Variants in ITGA7 observed in about 807,000 individuals in gnomAD.
ITGA7 encodes the protein integrin alpha-7.
ITGA7 carries 84 observed loss-of-function variants against 131.6 expected under a neutral mutation model. That is an observed-to-expected ratio of 0.64 (90% CI 0.54 to 0.77). The LOEUF (loss-of-function observed/expected upper bound fraction) is 0.77, where lower values mean the gene tolerates loss of function less well. Among genes scored for constraint, ITGA7 ranks in the 30% least tolerant of loss-of-function variants. ITGA7 has a pLI of 0.00. For missense variants in ITGA7, 1,399 were observed against 1,482.9 expected (o/e 0.94, Z 0.93); for synonymous variants, 548 against 600.7 (o/e 0.91, Z 1.28).
At position 55,688,265 on chromosome 12, in the gene ITGA7, G is replaced by T. The variant is rs1302615670; in HGVS notation, c.2994C>A (p.Val998=). ...YSAVKSLEVI[V]RANITVKSSI... Reference sequence around the variant, plus strand: ...AGGACTTCACTGTGATGTTGGCCCGGACAATCACTTCCAGGGACTTCACAG... The same window carrying T: ...AGGACTTCACTGTGATGTTGGCCCGTACAATCACTTCCAGGGACTTCACAG... Residue 998 remains valine (V), a synonymous_variant, in exon 23 of 25, where the codon GTC becomes GTA. Transcript: ENST00000257879. 1 of 1,613,930 alleles carries T rather than the reference G, an allele frequency of 6.2e-7. No homozygotes were observed. The highest frequency in any genetic ancestry group is 8.5e-7 in the Non-Finnish European group (1 of 1,179,960).
intron 19 of ITGA7, 99 bp from the exon 20 acceptor site, chr12:55,693,416 T>A: frequency 9.1e-7 from 1 of 1,095,752 alleles, no homozygotes; most frequent in Non-Finnish European, 1.3e-6. Flanking sequence ...CCCAGGCTTG[T>A]CTCTAACTCC....
chr12:55,688,264 G>A lies in ITGA7; in HGVS notation c.2995C>T (p.Arg999Trp), dbSNP rs772232092. ...GAGGACTTCACTGTGATGTTGGCCC[G>A]GACAATCACTTCCAGGGACTTCACA... ...SAVKSLEVIV[R>W]ANITVKSSIK... The change falls in exon 23 of 25, where the codon CGG (arginine) becomes TGG (tryptophan). Residue 999 changes from arginine (R) to tryptophan (W), a missense_variant. By Grantham distance (101) the Arg-to-Trp change is moderately radical. Transcript: ENST00000257879. The A allele has an allele frequency of 1.7e-5, 28 of 1,613,910 alleles. No individual in the cohort carries two copies. The highest frequency in any genetic ancestry group is 6.7e-5 in the East Asian group (3 of 44,894).
At chr12:55,715,360 C>T (rs963236375), upstream of ITGA7, among the ~76,000 whole-genome samples, 1 of 152,000 alleles carries the variant, frequency 6.6e-6, no homozygotes, top group Admixed American at 6.6e-5. Flanking sequence ...GAGATTGTAC[C>T]AGTAGCAAGA....
upstream of ITGA7, among the ~76,000 whole-genome samples, chr12:55,713,373 G>A (rs906933293): frequency 6.6e-6 from 1 of 152,200 alleles, no homozygotes; most frequent in Non-Finnish European, 1.5e-5. Flanking sequence ...ATTAGAGACA[G>A]AGAGATTCCC....
Position 55,703,187 on chromosome 12 carries a change from TG to T in ITGA7, c.207-10del, listed in dbSNP as rs1565639533. ...GAGCACCCACCAGCAGCCTGCAAGA[TG>T]GGGCAGGGGCAGGGACAGGGACAGG... On this transcript the variant is annotated splice_polypyrimidine_tract_variant and intron_variant, in intron 1 of 24. Transcript: ENST00000257879. 6.2e-7 allele frequency: 1 copy of T among 1,607,998 alleles called. No homozygotes were observed. Among genetic ancestry groups the T allele is most frequent in the South Asian group, 1.1e-5 (1 of 91,000 alleles).
At chr12:55,716,183 C>T, upstream of ITGA7, 1 of 1,610,704 alleles carries the variant, frequency 6.2e-7, no homozygotes, top group Non-Finnish European at 8.5e-7. Flanking sequence ...AGAATGAACG[C>T]AAGGAGCTGC....
Position 55,694,156 on chromosome 12 carries a change from G to T in ITGA7, c.2433-33C>A. On this transcript the variant is annotated intron_variant, in intron 18 of 24. Coordinates refer to ENST00000257879, the MANE Select transcript of ITGA7 (RefSeq NM_002206.3). This position sits in a 1 kb window ranked among gnomAD's most constrained non-coding sequence, Gnocchi z 5.3. Reference sequence around the variant, plus strand: ...GGAGAGGTCAGAACAGGGGTGAGAAGGTCTGGGGCCTGGCTCAATGAAGGC... The same window carrying T: ...GGAGAGGTCAGAACAGGGGTGAGAATGTCTGGGGCCTGGCTCAATGAAGGC... The T allele has an allele frequency of 6.2e-7, 1 of 1,611,418 alleles. No homozygotes were observed. The highest frequency in any genetic ancestry group is 8.5e-7 in the Non-Finnish European group (1 of 1,177,464).
chr12:55,686,369 G>T, intron 24 of ITGA7: 1 of 1,068,056 alleles, frequency 9.4e-7, no homozygotes, highest in Non-Finnish European at 1.3e-6. Context: ...AAAGATTGAG[G>T]AAGGACAGGA....
Position 55,684,671 on chromosome 12 carries a change from GCCT to G in ITGA7, c.*384_*386del. The G allele has an allele frequency of 4.3e-6, 1 of 231,216 alleles. No individual in the cohort carries two copies. The highest frequency in any genetic ancestry group is 5.0e-5 in the Admixed American group (1 of 19,850). The allele number at this position is 231,216 out of a possible 1,614,324, so 14.3% of individuals were successfully genotyped here. A position where few individuals can be genotyped will look rare whatever the true frequency, so the allele number is the denominator to read the frequency against. The stretch of plus-strand genomic sequence containing the variant: ...GAGAGGGGAAACTAGAGAAGGAGCA[GCCT>G]GAGTCAGTGACACAACCTCCTCCCC... On this transcript the variant is annotated 3_prime_UTR_variant, in exon 25 of 25. Transcript: ENST00000257879.
chr12:55,698,966 G>A, intron 5 of ITGA7, 49 bp from the exon 6 acceptor site: 1 of 1,523,994 alleles, frequency 6.6e-7, no homozygotes, highest in Non-Finnish European at 8.9e-7. Context: ...AGACTCAGAA[G>A]CTGGGGTGTG....
chr12:55,697,981 A>G lies in ITGA7; in HGVS notation c.1238T>C (p.Ile413Thr). Residue 413 changes from isoleucine (I) to threonine (T), a missense_variant, in exon 8 of 25, where the codon ATC becomes ACC. Ile to Thr is a moderately conservative substitution (Grantham distance 89). Coordinates refer to ENST00000257879, the MANE Select transcript of ITGA7 (RefSeq NM_002206.3). ...AACCCCCAGGCTGCTCCCATGGTAG[A>G]TGAAGACTTTCCCATCACCATCAAA... ...APFDGDGKVF[I>T]YHGSSLGVVA... 1 of 1,614,146 alleles carries G rather than the reference A, an allele frequency of 6.2e-7. No individual in the cohort carries two copies. Among genetic ancestry groups the G allele is most frequent in the African/African-American group, 1.3e-5 (1 of 75,022 alleles).
intron 1 of ITGA7, among the ~76,000 whole-genome samples, chr12:55,704,688 AACTC>A (rs1360439464): frequency 6.6e-6 from 1 of 152,174 alleles, no homozygotes; most frequent in African/African-American, 2.4e-5. Context: ...CAGATGAGAA[AACTC>A]ACTCAAAGAC....
At chr12:55,716,374 G>GCTCCGGTCCCTTGGGCAATA, upstream of ITGA7, 2 of 1,432,718 alleles carry the variant, frequency 1.4e-6, no homozygotes, top group Non-Finnish European at 1.8e-6. Context: ...TTGCCAACTG[G>GCTCCGGTCCCTTGGGCAATA]CTCCGGTCCC....
At chr12:55,693,360 C>CT (rs56890747) in intron 19 of ITGA7, 43 bp from the exon 20 acceptor site, 50,493 of 1,203,792 alleles carry the variant, frequency 0.042, 2 homozygotes, top group Non-Finnish European at 0.048. Flanking sequence ...CTCAGTTTTT[C>CT]TTTTTTTTTT....
At chr12:55,696,871 C>T in intron 12 of ITGA7, 28 bp downstream of exon 12, 1 of 1,613,322 alleles carries the variant, frequency 6.2e-7, no homozygotes, top group Non-Finnish European at 8.5e-7. Flanking sequence ...TGAAAATGAC[C>T]CTCAGAAGCC....
chr12:55,692,807 C>T (rs767330010), intron 21 of ITGA7, 37 bp downstream of exon 21: 27 of 1,577,466 alleles, frequency 1.7e-5, no homozygotes, highest in African/African-American at 2.7e-5. Context: ...CGCAGCACCC[C>T]GGAGCTCTGG....
At position 55,696,424 on chromosome 12, in the gene ITGA7, G is replaced by A; in HGVS notation, c.1746C>T (p.Val582=). Residue 582 remains valine, a synonymous_variant, in exon 13 of 25, where the codon GTC becomes GTT. Coordinates refer to ENST00000257879, the MANE Select transcript of ITGA7 (RefSeq NM_002206.3). ...CTACAATGGCCCGAAGCTTGTCTTT[G>A]ACATTTTCCTAGGAAGAGGAAGGTC... ...GDAMFQLQEN[V]KDKLRAIVVT... is the part of the protein sequence containing the mutation. 6.3e-7 allele frequency: 1 copy of A among 1,599,586 alleles called. No individual in the cohort carries two copies. The highest frequency in any genetic ancestry group is 1.1e-5 in the South Asian group (1 of 88,586).
chr12:55,710,566 C>T (rs948951159), upstream of ITGA7, among the ~76,000 whole-genome samples: 2 of 152,172 alleles, frequency 1.3e-5, no homozygotes, highest in East Asian at 3.9e-4. Context: ...CACTTGAGCC[C>T]AGGAGTTGGA....
chr12:55,703,211 A>G (rs1204482868), intron 1 of ITGA7, 33 bp from the exon 2 acceptor site: 3 of 1,601,474 alleles, frequency 1.9e-6, no homozygotes, highest in Non-Finnish European at 2.5e-6. Context: ...GGACAGGGAC[A>G]GGAGTTAGAG....
Sources: allele counts gnomAD v4.1 joint callset (sites outside exome capture counted in the v4.1 genomes callset), GRCh38; gene constraint gnomAD v4.1.1; non-coding constraint Gnocchi (gnomAD v3.1); transcripts MANE v1.5; gene names NCBI Gene and HGNC (gene_info 2026-07-23, HGNC 2026-07-21).